The following CAPN3 variants were observed in gnomAD, a reference collection of about 807,000 sequenced individuals.
The protein encoded by CAPN3 is calpain 3.
In CAPN3, 88 loss-of-function variants were observed where a neutral mutation model predicts 114.0. The observed-to-expected ratio is 0.77, with a 90% CI of 0.65 to 0.92. The LOEUF is 0.92. CAPN3 is among the 40% of genes least tolerant of loss of function. The pLI, the probability that CAPN3 is intolerant of heterozygous loss-of-function variation, is 0.00. For synonymous variants in CAPN3, 386 were observed against 382.9 expected, an observed-to-expected ratio of 1.01 and a Z score of -0.09; for missense variants, 1,028 against 1,069.0, an observed-to-expected ratio of 0.96 and a Z score of 0.53.
intron 1 of CAPN3, among the ~76,000 whole-genome samples, chr15:42,380,753 T>TATATA (rs1566972340): frequency 4.1e-4 from 18 of 44,248 alleles, no homozygotes; most frequent in African/African-American, 1.1e-3. Context: ...ATATATATAT[T>TATATA]TTTTTTTTTT....
intron 10 of CAPN3, among the ~76,000 whole-genome samples, 159 bp from the exon 11 acceptor site, chr15:42,401,482 C>T (rs1049459403): frequency 1.5e-5 from 2 of 131,940 alleles, no homozygotes; most frequent in South Asian, 3.2e-4. Context: ...CGCCCCCCCC[C>T]CCCCCAAATC....
At chr15:42,384,654 A>G (rs2053342452) in intron 2 of CAPN3, 102 bp downstream of exon 2, 1 of 911,118 alleles carries the variant, frequency 1.1e-6, no homozygotes, top group East Asian at 2.4e-5. Context: ...GCTTGCTTCC[A>G]GTAACTTTTT....
chr15:42,409,683 C>A, intron 17 of CAPN3, 104 bp from the exon 18 acceptor site: 3 of 1,070,172 alleles, frequency 2.8e-6, no homozygotes, highest in South Asian at 1.2e-5. Context: ...ATAGCACCGA[C>A]AGGGATTTTA....
rs746075428 is a variant in CAPN3, at chr15:42,401,680, TGGA to T, written c.1401_1403del (p.Glu467del). ...AACCCTCAGTACCGTCTGAAGCTCC[TGGA>T]GGAGGACGATGACCCTGATGACTCG... On this transcript the variant is annotated inframe_deletion, in exon 11 of 24. Coordinates refer to ENST00000397163, the MANE Select transcript of CAPN3 (RefSeq NM_000070.3). 1.4e-5 allele frequency: 23 copies of T among 1,614,050 alleles called. No individual in the cohort carries two copies. The highest frequency in any genetic ancestry group is 1.9e-5 in the Non-Finnish European group (23 of 1,180,036).
intron 1 of CAPN3, chr15:42,374,665 T>C (rs2141133031): frequency 6.6e-6 from 1 of 152,298 alleles, no homozygotes. Context: ...AAAATACCTT[T>C]CTGCTCCTTC....
chr15:42,403,194 C>T (rs1482661024), intron 13 of CAPN3, among the ~76,000 whole-genome samples, 192 bp downstream of exon 13: 2 of 152,224 alleles, frequency 1.3e-5, no homozygotes, highest in African/African-American at 2.4e-5. Flanking sequence ...ATGTTCCAGG[C>T]ACTGTCCTAG....
In CAPN3 at chr15:42,411,981, T is replaced by C; in HGVS notation, c.*208T>C. ...CTGACCCTTTAGTAAAGCAATGAGG[T>C]AGGAAGAACAAACCCTTGTCCCTTT... is the stretch of plus-strand genomic sequence containing the variant. On this transcript the variant is annotated 3_prime_UTR_variant, in exon 24 of 24. Transcript: ENST00000397163. The C allele has an allele frequency of 6.6e-7, 1 of 1,510,310 alleles. No homozygotes were observed. Among genetic ancestry groups the C allele is most frequent in the South Asian group, 1.3e-5 (1 of 76,858 alleles). 93.6% of individuals were successfully genotyped at this position (1,510,310 alleles called of 1,614,324 possible). A position where few individuals can be genotyped will look rare whatever the true frequency, so the allele number is the denominator to read the frequency against.
rs781003371 is a variant in CAPN3, at chr15:42,389,062, T to C, written c.767T>C (p.Ile256Thr). The part of the protein sequence containing the change: ...SDMYKIMKKA[I>T]ERGSLMGCSI... ...ATGTACAAGATCATGAAGAAAGCCATCGAGAGAGGCTCCCTCATGGGCTGC... is the reference window on the plus strand; with the variant it reads ...ATGTACAAGATCATGAAGAAAGCCACCGAGAGAGGCTCCCTCATGGGCTGC... The change falls in exon 5 of 24, where the codon ATC becomes ACC. Residue 256 changes from isoleucine to threonine, a missense_variant. Transcript: ENST00000397163. 3.7e-6 allele frequency: 6 copies of C among 1,613,964 alleles called. No individual in the cohort carries two copies. In the East Asian group the frequency reaches 1.3e-4, roughly 36 times the overall value.
chr15:42,377,476 A>C (rs1202095367), intron 1 of CAPN3, among the ~76,000 whole-genome samples: 1 of 152,190 alleles, frequency 6.6e-6, no homozygotes, highest in Non-Finnish European at 1.5e-5. Context: ...GGTAAATTAC[A>C]TTAATTGATT....
At chr15:42,379,972 C>T (rs142076105) in intron 1 of CAPN3, among the ~76,000 whole-genome samples, 1 of 152,216 alleles carries the variant, frequency 6.6e-6, no homozygotes, top group African/African-American at 2.4e-5. Flanking sequence ...CAAAATTAGC[C>T]GAGCATGATG....
intron 6 of CAPN3, among the ~76,000 whole-genome samples, chr15:42,390,401 C>T (rs1176801388): frequency 6.6e-6 from 1 of 152,060 alleles, no homozygotes; most frequent in African/African-American, 2.4e-5. Flanking sequence ...AATATTTTTC[C>T]TCTTCTAATG....
chr15:42,391,648 C>A (rs2141174104), intron 6 of CAPN3, among the ~76,000 whole-genome samples: 1 of 152,328 alleles, frequency 6.6e-6, no homozygotes, highest in Non-Finnish European at 1.5e-5. Flanking sequence ...GAGAGCCTAT[C>A]CAGGGCTCAT....
chr15:42,384,202 A>G (rs1398059518), intron 1 of CAPN3, among the ~76,000 whole-genome samples: 2 of 152,076 alleles, frequency 1.3e-5, no homozygotes, highest in Non-Finnish European at 2.9e-5. Context: ...TCACAAGGTC[A>G]AGAGATGGAG....
intron 10 of CAPN3, 121 bp from the exon 11 acceptor site, chr15:42,401,520 C>G: frequency 2.5e-6 from 1 of 404,010 alleles, no homozygotes; most frequent in Non-Finnish European, 4.8e-6. Context: ...ATCGTGTTTT[C>G]TGTTGATATT....
Position 42,410,446 on chromosome 15 carries a change from C to G in CAPN3, c.2134C>G (p.Leu712Val), listed in dbSNP as rs794727318. The G allele has an allele frequency of 6.2e-7, 1 of 1,614,126 alleles. No individual in the cohort carries two copies. The highest frequency in any genetic ancestry group is 1.3e-5 in the African/African-American group (1 of 75,038). Reference protein sequence around the residue: ...ALMDTDGSGKLNLQEFHHLWN... With the variant: ...ALMDTDGSGKVNLQEFHHLWN... ...CCTCCAGACAGATGGCTCTGGAAAG[C>G]TCAACCTGCAGGAGTTCCACCACCT... Residue 712 changes from leucine (L) to valine (V), a missense_variant, in exon 20 of 24, where the codon CTC becomes GTC. By Grantham distance (32) the Leu-to-Val change is conservative. Transcript: ENST00000397163.
In CAPN3 at chr15:42,388,901, C is replaced by G. The variant is rs1213014927; in HGVS notation, c.633-27C>G. On this transcript the variant is annotated intron_variant, in intron 4 of 23. Transcript: ENST00000397163. ...TTTGTTCCCTGGAACTCTGTGACCC[C>G]AAATTGGTCTTCATCCTCTCTCTAA... is the stretch of plus-strand genomic sequence containing the variant. 24 of 1,612,388 alleles carry G rather than the reference C, an allele frequency of 1.5e-5. No homozygotes were observed. The East Asian group carries it at 5.1e-4, about 34-fold the overall frequency.
At chr15:42,367,686 TCA>T (rs1283096055) in intron 1 of CAPN3, among the ~76,000 whole-genome samples, 1 of 152,242 alleles carries the variant, frequency 6.6e-6, no homozygotes, top group African/African-American at 2.4e-5. Context: ...CTTGTAACTT[TCA>T]CAGTCTGAAC....
intron 13 of CAPN3, 115 bp from the exon 14 acceptor site, chr15:42,403,626 C>T: frequency 1.0e-6 from 1 of 958,210 alleles, no homozygotes. Context: ...CAGGGGTTCT[C>T]TAGAGGCTGG....
At chr15:42,375,675 A>G (rs1242632271) in intron 1 of CAPN3, among the ~76,000 whole-genome samples, 2 of 152,224 alleles carry the variant, frequency 1.3e-5, no homozygotes, top group African/African-American at 4.8e-5. Context: ...AAATTTCAGA[A>G]TGGTTTTAGA....
Sources: gnomAD v4.1 joint callset for allele counts (sites outside exome capture counted in the v4.1 genomes callset) on GRCh38, gnomAD v4.1.1 for gene constraint, MANE v1.5 for transcripts, NCBI Gene and HGNC (gene_info 2026-07-23, HGNC 2026-07-21) for gene names.